Variants in NR5A2 observed in about 807,000 individuals in gnomAD.
NR5A2 encodes the protein nuclear receptor subfamily 5 group A member 2.
Under a neutral mutation model 62.7 loss-of-function variants are expected in NR5A2, and 26 were observed. That is an observed-to-expected ratio of 0.41 (90% CI 0.30 to 0.58). NR5A2 has a LOEUF of 0.58. Ranked by LOEUF, NR5A2 falls within the 20% of genes least tolerant of loss-of-function variation. The pLI, the probability that NR5A2 is intolerant of heterozygous loss-of-function variation, is 0.22. For missense variants in NR5A2, 541 were observed against 669.1 expected, an observed-to-expected ratio of 0.81 and a Z score of 2.11; for synonymous variants, 246 against 241.7, an observed-to-expected ratio of 1.02 and a Z score of -0.16.
chr1:200,051,079 T>C (rs1662608934), intron 5 of NR5A2, among the ~76,000 whole-genome samples: 1 of 152,164 alleles, frequency 6.6e-6, no homozygotes. Context: ...TATTAATCAG[T>C]ACTAATTAAG....
At chr1:200,072,719 A>G (rs1407372382) in intron 5 of NR5A2, among the ~76,000 whole-genome samples, 1 of 152,220 alleles carries the variant, frequency 6.6e-6, no homozygotes, top group African/African-American at 2.4e-5. Context: ...ATAAATGAAT[A>G]AAGTGTGCAC....
intron 5 of NR5A2, among the ~76,000 whole-genome samples, chr1:200,062,757 G>T (rs1323808982): frequency 6.6e-6 from 1 of 152,118 alleles, no homozygotes; most frequent in African/African-American, 2.4e-5. Context: ...ATCTTACAGA[G>T]CAAATGAAAG....
chr1:200,135,867 T>C (rs10919815), intron 7 of NR5A2, among the ~76,000 whole-genome samples: 44,376 of 152,154 alleles, frequency 0.29, 6,701 homozygotes, highest in Admixed American at 0.36. Flanking sequence ...TATCGGGAAA[T>C]GCCTCTTCTC....
intron 5 of NR5A2, among the ~76,000 whole-genome samples, chr1:200,085,662 CAAAAAAA>C (rs779455520): frequency 1.1e-5 from 1 of 91,150 alleles, no homozygotes; most frequent in African/African-American, 3.8e-5. Context: ...AGACCTATCT[CAAAAAAA>C]AAAAAAAAGA....
At chr1:200,083,644 T>C (rs1386306750) in intron 5 of NR5A2, among the ~76,000 whole-genome samples, 1 of 152,152 alleles carries the variant, frequency 6.6e-6, no homozygotes, top group African/African-American at 2.4e-5. Context: ...TACAGTATTG[T>C]ACAGTATTGT....
At chr1:200,169,030 TC>T (rs1257319607) in intron 7 of NR5A2, among the ~76,000 whole-genome samples, 3 of 152,184 alleles carry the variant, frequency 2.0e-5, no homozygotes, top group African/African-American at 7.2e-5. Context: ...CACCTTTATG[TC>T]CTTTAAAAGA....
intron 1 of NR5A2, among the ~76,000 whole-genome samples, chr1:200,032,119 G>A (rs1021532141): frequency 6.6e-6 from 1 of 152,098 alleles, no homozygotes. Flanking sequence ...ACTTCACTCC[G>A]CAGCTCTAGA....
At chr1:200,117,295 AATG>A in intron 6 of NR5A2, among the ~76,000 whole-genome samples, 1 of 152,354 alleles carries the variant, frequency 6.6e-6, no homozygotes, top group South Asian at 2.1e-4. Flanking sequence ...TGGAGATCTG[AATG>A]TTGTTTCAAG....
At chr1:200,058,897 G>A (rs12408231) in intron 5 of NR5A2, among the ~76,000 whole-genome samples, 9,300 of 149,110 alleles carry the variant, frequency 0.062, 374 homozygotes, top group African/African-American at 0.1. Flanking sequence ...ATCACCTGAG[G>A]TCAGGAGTTC....
At chr1:200,094,182 G>T (rs72740812) in intron 5 of NR5A2, among the ~76,000 whole-genome samples, 888 of 70,464 alleles carry the variant, frequency 0.013, 7 homozygotes, top group African/African-American at 0.053. Flanking sequence ...AAAAAAATTG[G>T]TTTTTTTTTT....
At chr1:200,159,635 A>T (rs1183741921) in intron 7 of NR5A2, among the ~76,000 whole-genome samples, 1 of 140,946 alleles carries the variant, frequency 7.1e-6, no homozygotes, top group Non-Finnish European at 1.5e-5. Context: ...AGATTTTTTA[A>T]ATTATTTATT....
At chr1:200,050,341 AAC>A (rs1247091609) in intron 5 of NR5A2, among the ~76,000 whole-genome samples, 2 of 152,240 alleles carry the variant, frequency 1.3e-5, no homozygotes, top group African/African-American at 2.4e-5. Context: ...AAATGAGGAA[AAC>A]ACAGACTTTT....
rs894262835 is a variant in NR5A2, at chr1:200,104,990, T to C, written c.1111-6212T>C. ...TTTTTACTTTTTTGAGACAGGGTTT[T>C]GCTCTGTTGCGCAGACTGAGTGCAG... On this transcript the variant is annotated intron_variant, in intron 5 of 7. Transcript: ENST00000367362. Among the ~76,000 whole-genome samples the C allele has an allele frequency of 3.9e-5, 6 of 152,044 alleles. No homozygotes were observed. The East Asian group carries it at 1.2e-3, about 29-fold the overall frequency.
At chr1:200,152,919 G>T (rs1035001680) in intron 7 of NR5A2, among the ~76,000 whole-genome samples, 1 of 152,160 alleles carries the variant, frequency 6.6e-6, no homozygotes, top group South Asian at 2.1e-4. Flanking sequence ...TGAGAAACTG[G>T]CAACAGGCTC....
At chr1:200,099,853 A>G (rs992877527) in intron 5 of NR5A2, among the ~76,000 whole-genome samples, 4 of 152,128 alleles carry the variant, frequency 2.6e-5, no homozygotes, top group Admixed American at 2.0e-4. Context: ...CGGCCTCCCA[A>G]AGTGCTGAGA....
chr1:200,123,750 A>ATTT (rs11397949), intron 7 of NR5A2, among the ~76,000 whole-genome samples: 811 of 52,768 alleles, frequency 0.015, 7 homozygotes, highest in African/African-American at 0.044. Context: ...TACTTATTTA[A>ATTT]TTTTTTTTTT....
intron 6 of NR5A2, among the ~76,000 whole-genome samples, chr1:200,119,904 C>T (rs887502602): frequency 6.6e-5 from 10 of 151,992 alleles, no homozygotes. Context: ...CCACCGTGCC[C>T]GGCCAGCACT....
chr1:200,114,743 C>G (rs1243593109), intron 6 of NR5A2, among the ~76,000 whole-genome samples: 2 of 152,168 alleles, frequency 1.3e-5, no homozygotes, highest in Non-Finnish European at 2.9e-5. Context: ...TATTATCCCT[C>G]TTTGGCAGAT....
chr1:200,172,824 G>A (rs1654241961), intron 7 of NR5A2, among the ~76,000 whole-genome samples: 1 of 152,162 alleles, frequency 6.6e-6, no homozygotes, highest in Non-Finnish European at 1.5e-5. Flanking sequence ...TATCCTTTTA[G>A]TCATAGTACT....
Sources: gnomAD v4.1 joint callset for allele counts (sites outside exome capture counted in the v4.1 genomes callset) on GRCh38, gnomAD v4.1.1 for gene constraint, MANE v1.5 for transcripts, NCBI Gene and HGNC (gene_info 2026-07-23, HGNC 2026-07-21) for gene names.